FOCAD: variants seen among roughly 807,000 people sequenced by gnomAD.
FOCAD encodes focadhesin, also known as KIAA1797.
In FOCAD, 198 loss-of-function variants were observed where a neutral mutation model predicts 225.6. The ratio of observed to expected loss-of-function variants is 0.88; its 90% CI spans 0.78 to 0.99. The LOEUF is 0.99. FOCAD is among the 50% of genes least tolerant of loss of function. FOCAD has a pLI of 0.00. For missense variants in FOCAD, 2,713 were observed against 2,123.6 expected (o/e 1.28, Z -5.46); for synonymous variants, 897 against 755.0 (o/e 1.19, Z -3.08).
chr9:20,809,560 A>G (rs1822827567), intron 11 of FOCAD, among the ~76,000 whole-genome samples: 2 of 152,110 alleles, frequency 1.3e-5, no homozygotes, highest in Non-Finnish European at 2.9e-5. Flanking sequence ...AAAATCAATC[A>G]TTATCTATGC....
chr9:20,721,630 A>G (rs973357441), intron 4 of FOCAD, among the ~76,000 whole-genome samples: 4 of 151,804 alleles, frequency 2.6e-5, no homozygotes, highest in Non-Finnish European at 5.9e-5. Flanking sequence ...TGAACCCAGG[A>G]GGTGGAGGTT....
Position 20,981,459 on chromosome 9 carries a change from C to G in FOCAD, c.4411C>G (p.Pro1471Ala). ...CAAGAGATATCTCCTGATATCTGCA[C>G]CTCTGTGGATAAAACACATCTCTGA... ...NTKRYLLISA[P>A]LWIKHISDEQ... Residue 1471 changes from proline to alanine, a missense_variant, in exon 38 of 44, where the codon CCT becomes GCT. By Grantham distance (27) the Pro-to-Ala change is conservative (BLOSUM62 -1). Transcript: ENST00000338382. 6.2e-7 allele frequency: 1 copy of G among 1,614,086 alleles called. No individual in the cohort carries two copies. The highest frequency in any genetic ancestry group is 8.5e-7 in the Non-Finnish European group (1 of 1,179,966).
chr9:20,811,576 TA>T (rs1823081578), intron 11 of FOCAD, among the ~76,000 whole-genome samples: 1 of 152,062 alleles, frequency 6.6e-6, no homozygotes. Context: ...CTTCTTTAAT[TA>T]TAATGTTAGT....
chr9:20,740,837 A>T (rs1201893632), intron 5 of FOCAD, among the ~76,000 whole-genome samples: 1 of 152,178 alleles, frequency 6.6e-6, no homozygotes, highest in African/African-American at 2.4e-5. Context: ...GAATTGTTTT[A>T]AAAAAATAAA....
In FOCAD at chr9:20,950,994, A is replaced by G; in HGVS notation, c.3949-2A>G. ...ATTGAACTGTTACCTTTTTATTTGT[A>G]GGTCATTAGTGTCTCTGGGGTGATT... is the stretch of plus-strand genomic sequence containing the variant. On this transcript the variant is annotated splice_acceptor_variant, in intron 33 of 43. Coordinates refer to ENST00000338382, the MANE Select transcript of FOCAD (RefSeq NM_001375567.1). LOFTEE classifies it high-confidence loss of function. 10 of 1,611,010 alleles carry G rather than the reference A, an allele frequency of 6.2e-6. No homozygotes were observed. Among genetic ancestry groups the G allele is most frequent in the Non-Finnish European group, 8.5e-6 (10 of 1,177,446 alleles).
intron 2 of FOCAD, among the ~76,000 whole-genome samples, chr9:20,663,160 G>C (rs966459426): frequency 2.0e-5 from 3 of 152,092 alleles, no homozygotes; most frequent in African/African-American, 7.2e-5. Flanking sequence ...GCTGAGGTGG[G>C]AGGATTGCTT....
chr9:20,836,044 C>A (rs1386048469), intron 15 of FOCAD, among the ~76,000 whole-genome samples: 1 of 152,024 alleles, frequency 6.6e-6, no homozygotes, highest in Non-Finnish European at 1.5e-5. Context: ...TATTTACTTT[C>A]TGAAATCATG....
intron 43 of FOCAD, among the ~76,000 whole-genome samples, chr9:20,994,455 A>C (rs1841911662): frequency 6.6e-6 from 1 of 152,108 alleles, no homozygotes; most frequent in South Asian, 2.1e-4. Flanking sequence ...ATTCTGTGAT[A>C]ATTTATCTGG....
chr9:20,865,252 C>T (rs1483421756), intron 16 of FOCAD, among the ~76,000 whole-genome samples: 1 of 151,996 alleles, frequency 6.6e-6, no homozygotes, highest in Non-Finnish European at 1.5e-5. Flanking sequence ...TGCTATTGGA[C>T]TTGGAACTGG....
At position 20,901,192 on chromosome 9, in the gene FOCAD, A is replaced by ATGTGTGTG. The variant is rs71334562; in HGVS notation, c.2626-5924_2626-5917dup. 3.3e-3 allele frequency among the ~76,000 whole-genome samples: 345 copies of ATGTGTGTG among 105,744 alleles called. 5 individuals carry two copies. The highest frequency in any genetic ancestry group is 0.019 in the East Asian group (54 of 2,872). The allele number at this position is 105,744 out of a possible 152,430, so 69.4% of individuals were successfully genotyped here. A position where few individuals can be genotyped will look rare whatever the true frequency, so the allele number is the denominator to read the frequency against. The stretch of plus-strand genomic sequence containing the variant: ...TTTTTTTTCTGGGAATGTGGAAACA[A>ATGTGTGTG]TGTGTGTGTGTGTGTGTGTGTGTGT... On this transcript the variant is annotated intron_variant, in intron 21 of 43. Coordinates refer to ENST00000338382, the MANE Select transcript of FOCAD (RefSeq NM_001375567.1).
chr9:20,788,789 T>C (rs1055974373), intron 10 of FOCAD, among the ~76,000 whole-genome samples: 1 of 152,212 alleles, frequency 6.6e-6, no homozygotes, highest in Non-Finnish European at 1.5e-5. Context: ...AATCTCTGGG[T>C]ATTGTTTCAG....
At chr9:20,691,864 C>G (rs534262746) in intron 1 of FOCAD, among the ~76,000 whole-genome samples, 5 of 152,262 alleles carry the variant, frequency 3.3e-5, no homozygotes, top group East Asian at 1.9e-4. Context: ...ACCTCCGCCT[C>G]CCGGGTTCAA....
At chr9:20,985,619 C>T (rs1425229299) in intron 39 of FOCAD, among the ~76,000 whole-genome samples, 2 of 152,120 alleles carry the variant, frequency 1.3e-5, no homozygotes, top group African/African-American at 4.8e-5. Context: ...CCTAATCTTA[C>T]ACGTGTTCTT....
intron 1 of FOCAD, among the ~76,000 whole-genome samples, chr9:20,714,090 G>C (rs1294003355): frequency 6.6e-6 from 1 of 152,088 alleles, no homozygotes; most frequent in Non-Finnish European, 1.5e-5. Flanking sequence ...TACAGATTGA[G>C]TATTCTTTAT....
chr9:20,874,779 GTCAC>G lies in FOCAD; in HGVS notation c.2296_2299del (p.Thr766ProfsTer16), dbSNP rs1830092902. The G allele has an allele frequency of 6.2e-7, 1 of 1,613,558 alleles. No individual in the cohort carries two copies. The highest frequency in any genetic ancestry group is 1.3e-5 in the African/African-American group (1 of 74,980). ...CTGGCTCTTGCTATCTCAAACTGTTGTCACTCACTCCCCCTTTGGTTTTACCAGG... is the reference window on the plus strand; with the variant it reads ...CTGGCTCTTGCTATCTCAAACTGTTGTCACTCCCCCTTTGGTTTTACCAGG... On this transcript the variant is annotated frameshift_variant, in exon 19 of 44. Coordinates refer to ENST00000338382, the MANE Select transcript of FOCAD (RefSeq NM_001375567.1). LOFTEE classifies it high-confidence loss of function.
chr9:20,823,087 A>G lies in FOCAD; in HGVS notation c.1892A>G (p.Gln631Arg). The change falls in exon 15 of 44, where the codon CAG becomes CGG. Residue 631 changes from glutamine to arginine, a missense_variant. Transcript: ENST00000338382. The part of the protein sequence containing the change: ...DQATPAALVL[Q>R]GLHALCQAEV... ...GCTACTCCAGCAGCCTTGGTATTAC[A>G]GGGTCTTCATGCACTCTGTCAAGCT... 6.2e-7 allele frequency: 1 copy of G among 1,607,946 alleles called. No homozygotes were observed. Among genetic ancestry groups the G allele is most frequent in the Admixed American group, 1.7e-5 (1 of 58,644 alleles).
At chr9:20,892,012 C>T (rs1469439105) in intron 21 of FOCAD, among the ~76,000 whole-genome samples, 2 of 152,156 alleles carry the variant, frequency 1.3e-5, no homozygotes, top group East Asian at 1.9e-4. Flanking sequence ...TAAAGAATTA[C>T]GCTGAATCTC....
intron 11 of FOCAD, among the ~76,000 whole-genome samples, chr9:20,792,687 G>C (rs1324390839): frequency 6.6e-6 from 1 of 152,108 alleles, no homozygotes; most frequent in African/African-American, 2.4e-5. Flanking sequence ...AGGAACAGTT[G>C]CAATCTTCGA....
At chr9:20,982,167 CA>C (rs138719230) in intron 38 of FOCAD, among the ~76,000 whole-genome samples, 189 bp from the exon 39 acceptor site, 2 of 151,780 alleles carry the variant, frequency 1.3e-5, no homozygotes, top group African/African-American at 4.8e-5. Flanking sequence ...CAAAACAAAA[CA>C]AAAAAACACA....
Sources: allele counts gnomAD v4.1 joint callset (sites outside exome capture counted in the v4.1 genomes callset), GRCh38; gene constraint gnomAD v4.1.1; transcripts MANE v1.5; gene names NCBI Gene and HGNC (gene_info 2026-07-23, HGNC 2026-07-21).